The following SGCZ variants were observed in gnomAD, a reference collection of about 807,000 sequenced individuals.
SGCZ encodes the protein zeta-sarcoglycan.
SGCZ carries 40 observed loss-of-function variants against 41.3 expected under a neutral mutation model. The ratio of observed to expected loss-of-function variants is 0.97; its 90% CI spans 0.75 to 1.26. SGCZ has a LOEUF of 1.26. Ranked by LOEUF, SGCZ falls within the 50% of genes most tolerant of loss-of-function variation. SGCZ has a pLI of 0.00. For synonymous variants in SGCZ, 206 were observed against 137.5 expected (o/e 1.50, Z -3.49); for missense variants, 552 against 369.8 (o/e 1.49, Z -4.04).
intron 1 of SGCZ, among the ~76,000 whole-genome samples, chr8:14,751,223 A>G (rs1048400441): frequency 9.8e-5 from 15 of 152,324 alleles, no homozygotes; most frequent in African/African-American, 3.6e-4. Context: ...AGATAGACAC[A>G]GTCTCTCTGA....
chr8:14,213,909 G>A (rs1207478080), intron 4 of SGCZ, among the ~76,000 whole-genome samples: 1 of 152,022 alleles, frequency 6.6e-6, no homozygotes, highest in Non-Finnish European at 1.5e-5. Flanking sequence ...CATTTATGTA[G>A]CTACTTTACC....
rs1241417231 is a variant in SGCZ at position 14,577,525 on chromosome 8, C to A, written c.40-22599G>T. Among the ~76,000 whole-genome samples, 3 of 151,480 alleles carry A rather than the reference C, an allele frequency of 2.0e-5. No homozygotes were observed. The South Asian group carries it at 6.2e-4, about 32-fold the overall frequency. On this transcript the variant is annotated intron_variant, in intron 1 of 7. Transcript: ENST00000382080. ...TGTCTCAGCCTCCGAGTAGCTGGGA[C>A]TATAGGTGCATCTCAACATGCCTGG...
chr8:15,097,840 G>GTA (rs1554455203), intron 1 of SGCZ, among the ~76,000 whole-genome samples: 1,304 of 29,544 alleles, frequency 0.044, 57 homozygotes, highest in African/African-American at 0.14. Context: ...ATATACGTGT[G>GTA]TGTATATATA....
chr8:14,194,916 GCTATGATCTGCCAAAGAAA>G (rs1202232225), intron 4 of SGCZ, among the ~76,000 whole-genome samples: 9 of 152,128 alleles, frequency 5.9e-5, no homozygotes, highest in African/African-American at 2.2e-4. Context: ...ACCTAGCAAT[GCTATGATCTGCCAAAGAAA>G]CCTCACGTGC....
chr8:15,164,942 A>G (rs753089605), intron 1 of SGCZ, among the ~76,000 whole-genome samples: 1 of 151,898 alleles, frequency 6.6e-6, no homozygotes, highest in Non-Finnish European at 1.5e-5. Context: ...AAAGGGCCCC[A>G]CCCAGCAACT....
chr8:14,600,721 AT>A (rs1400472040), intron 1 of SGCZ, among the ~76,000 whole-genome samples: 2 of 152,198 alleles, frequency 1.3e-5, no homozygotes, highest in African/African-American at 4.8e-5. Flanking sequence ...ACTAAAAAAA[AT>A]ATACACATGC....
At chr8:15,131,249 C>T (rs1440267086) in intron 1 of SGCZ, among the ~76,000 whole-genome samples, 2 of 152,102 alleles carry the variant, frequency 1.3e-5, no homozygotes, top group South Asian at 2.1e-4. Context: ...ATAACTGAAC[C>T]ATCAGGATGG....
intron 1 of SGCZ, among the ~76,000 whole-genome samples, chr8:15,164,747 C>T (rs1250265587): frequency 6.6e-6 from 1 of 151,140 alleles, no homozygotes; most frequent in Non-Finnish European, 1.5e-5. Flanking sequence ...TGAGGCTAGT[C>T]TTGGGCTGTG....
At chr8:14,845,102 G>A (rs952633165) in intron 1 of SGCZ, among the ~76,000 whole-genome samples, 1 of 152,132 alleles carries the variant, frequency 6.6e-6, no homozygotes. Flanking sequence ...GATCAGTAAA[G>A]AAAACCACTG....
intron 1 of SGCZ, among the ~76,000 whole-genome samples, chr8:14,829,999 G>C (rs1432027811): frequency 6.6e-6 from 1 of 152,104 alleles, no homozygotes; most frequent in Non-Finnish European, 1.5e-5. Flanking sequence ...TTTTAGTAGA[G>C]ACGGGGTTTT....
At chr8:14,689,311 A>G (rs908222323) in intron 1 of SGCZ, among the ~76,000 whole-genome samples, 9 of 152,166 alleles carry the variant, frequency 5.9e-5, no homozygotes, top group Non-Finnish European at 1.0e-4. Context: ...GGCATTTGAA[A>G]ACTTTTAATT....
intron 2 of SGCZ, among the ~76,000 whole-genome samples, chr8:14,432,965 C>T (rs1799988120): frequency 6.8e-6 from 1 of 147,890 alleles, no homozygotes; most frequent in African/African-American, 2.5e-5. Flanking sequence ...AACCAAACAC[C>T]ACCTGTTCTC....
Position 14,928,228 on chromosome 8 carries a change from C to T in SGCZ, c.39+309357G>A, listed in dbSNP as rs576583063. Among the ~76,000 whole-genome samples, 5 of 152,272 alleles carry T rather than the reference C, an allele frequency of 3.3e-5. No homozygotes were observed. The South Asian group carries it at 1.0e-3, about 32-fold the overall frequency. On this transcript the variant is annotated intron_variant, in intron 1 of 7. Coordinates refer to ENST00000382080, the MANE Select transcript of SGCZ (RefSeq NM_139167.4). ...ATCATTCAAGAATGAAGACTGATTA[C>T]ATAAAATATTTCAATCAGAATGTTG...
intron 1 of SGCZ, among the ~76,000 whole-genome samples, chr8:15,163,317 T>C (rs1483775114): frequency 6.6e-6 from 1 of 152,224 alleles, no homozygotes; most frequent in Non-Finnish European, 1.5e-5. Flanking sequence ...ATTTCAGAGC[T>C]GAGGAAACTG....
chr8:15,224,062 G>C (rs1801693995), intron 1 of SGCZ, among the ~76,000 whole-genome samples: 1 of 152,010 alleles, frequency 6.6e-6, no homozygotes, highest in Non-Finnish European at 1.5e-5. Context: ...CACTGTGCTG[G>C]CCAGGCTGGT....
intron 1 of SGCZ, among the ~76,000 whole-genome samples, chr8:14,906,729 C>T (rs939303431): frequency 4.6e-5 from 7 of 152,170 alleles, no homozygotes; most frequent in Non-Finnish European, 1.0e-4. Context: ...GAGGCACACA[C>T]AGTTCTGAGA....
At chr8:15,041,597 A>G (rs1804099146) in intron 1 of SGCZ, among the ~76,000 whole-genome samples, 1 of 152,126 alleles carries the variant, frequency 6.6e-6, no homozygotes, top group African/African-American at 2.4e-5. Context: ...GATTCAGAGT[A>G]TTTGTTGCAG....
chr8:14,903,362 T>A (rs1799028767), intron 1 of SGCZ, among the ~76,000 whole-genome samples: 1 of 152,126 alleles, frequency 6.6e-6, no homozygotes, highest in African/African-American at 2.4e-5. Context: ...CTGACAGATA[T>A]CAGTAATTAT....
intron 1 of SGCZ, among the ~76,000 whole-genome samples, chr8:15,068,297 C>T (rs1324380249): frequency 6.6e-6 from 1 of 152,162 alleles, no homozygotes; most frequent in Admixed American, 6.6e-5. Context: ...ATGATCATCA[C>T]CCTGCTTAGA....
Sources: gnomAD v4.1 joint callset for allele counts (sites outside exome capture counted in the v4.1 genomes callset) on GRCh38, gnomAD v4.1.1 for gene constraint, MANE v1.5 for transcripts, NCBI Gene and HGNC (gene_info 2026-07-23, HGNC 2026-07-21) for gene names.